COL10A1: variants seen among roughly 807,000 people sequenced by gnomAD.
COL10A1 encodes collagen type X alpha 1 chain.
COL10A1 carries 10 observed loss-of-function variants against 18.2 expected under a neutral mutation model. The observed-to-expected ratio is 0.55, with a 90% confidence interval of 0.34 to 0.93. The LOEUF (loss-of-function observed/expected upper bound fraction) is 0.93. Among genes scored for constraint, COL10A1 ranks in the 40% least tolerant of loss-of-function variants. The pLI, the probability that COL10A1 is intolerant of heterozygous loss-of-function variation, is 0.02. For synonymous variants in COL10A1, 330 were observed against 316.6 expected (o/e 1.04, Z -0.45); for missense variants, 897 against 853.5 (o/e 1.05, Z -0.64).
chr6:116,191,936 T>C, the COL10A1 span, among the ~76,000 whole-genome samples: 2 of 152,026 alleles, frequency 1.3e-5, no homozygotes, highest in African/African-American at 4.8e-5. Flanking sequence ...TAAGCTACAT[T>C]GATTGCCATG....
intron 2 of COL10A1, among the ~76,000 whole-genome samples, chr6:116,122,758 T>G (rs1356854363): frequency 6.6e-6 from 1 of 152,178 alleles, no homozygotes; most frequent in East Asian, 1.9e-4. Context: ...TGTATATAAA[T>G]GCAGAGCGAA....
At chr6:116,127,735 A>G (rs988949447), upstream of COL10A1, among the ~76,000 whole-genome samples, 1 of 152,154 alleles carries the variant, frequency 6.6e-6, no homozygotes, top group African/African-American at 2.4e-5. Flanking sequence ...GTGTGTATAT[A>G]TGGTGATACA....
rs199761751 is a variant in COL10A1 at position 116,121,904 on chromosome 6, C to T, written c.212G>A (p.Arg71Gln). The change falls in exon 3 of 3, where the codon CGA becomes CAA. Residue 71 changes from arginine (R) to glutamine (Q), a missense_variant. Arg to Gln is a conservative substitution (Grantham distance 43). Transcript: ENST00000651968. ...TPGPPGPAGPRGHPGPSGPPG... is the reference protein window; with the variant it reads ...TPGPPGPAGPQGHPGPSGPPG... ...TGGTCCAGAAGGACCTGGGTGCCCT[C>T]GAGGTCCAGCAGGGCCTGGTGGACC... The T allele has an allele frequency of 3.1e-5, 50 of 1,613,688 alleles. No homozygotes were observed. The highest frequency in any genetic ancestry group is 3.5e-5 in the Non-Finnish European group (41 of 1,179,988).
At chr6:116,184,078 A>G in the COL10A1 span, among the ~76,000 whole-genome samples, 2 of 151,998 alleles carry the variant, frequency 1.3e-5, no homozygotes, top group East Asian at 1.9e-4. Context: ...TGTCCCTTCT[A>G]TGGCAGTTTT....
At chr6:116,182,919 T>C in the COL10A1 span, among the ~76,000 whole-genome samples, 1 of 152,180 alleles carries the variant, frequency 6.6e-6, no homozygotes, top group Non-Finnish European at 1.5e-5. Context: ...TTGAATTTGC[T>C]TTTGAGTTCT....
the COL10A1 span, among the ~76,000 whole-genome samples, chr6:116,179,100 TAG>T: frequency 6.6e-6 from 1 of 152,132 alleles, no homozygotes; most frequent in African/African-American, 2.4e-5. Flanking sequence ...TTAACATAAG[TAG>T]AGATATTTAG....
chr6:116,159,861 C>T (rs1369369504), upstream of COL10A1, among the ~76,000 whole-genome samples: 1 of 152,048 alleles, frequency 6.6e-6, no homozygotes, highest in Non-Finnish European at 1.5e-5. Flanking sequence ...TGAGAACATG[C>T]GATATTTGTT....
the COL10A1 span, among the ~76,000 whole-genome samples, chr6:116,199,813 A>G: frequency 6.6e-6 from 1 of 152,086 alleles, no homozygotes; most frequent in African/African-American, 2.4e-5. Flanking sequence ...ATAACCATCA[A>G]TGAGTCTGGT....
the COL10A1 span, among the ~76,000 whole-genome samples, chr6:116,200,030 A>C: frequency 6.6e-6 from 1 of 151,716 alleles, no homozygotes. Context: ...GCAGTGGGGC[A>C]ACCTGACAAA....
At chr6:116,139,543 C>A (rs1004253299) in intron 1 of COL10A1, among the ~76,000 whole-genome samples, 2 of 152,020 alleles carry the variant, frequency 1.3e-5, no homozygotes, top group African/African-American at 4.8e-5. Context: ...ATGCATTTTA[C>A]TTGCAGTGTT....
At chr6:116,195,374 A>T in the COL10A1 span, among the ~76,000 whole-genome samples, 40 of 152,146 alleles carry the variant, frequency 2.6e-4, no homozygotes, top group African/African-American at 9.6e-4. Flanking sequence ...GTATTTTTCT[A>T]TTAAGTTTAC....
At chr6:116,184,242 T>C in the COL10A1 span, among the ~76,000 whole-genome samples, 16 of 152,048 alleles carry the variant, frequency 1.1e-4, no homozygotes, top group Non-Finnish European at 2.2e-4. Flanking sequence ...GCGTCCCTCA[T>C]ATGAAACCCA....
At chr6:116,151,926 T>C (rs2114399113) in intron 1 of COL10A1, among the ~76,000 whole-genome samples, 1 of 152,358 alleles carries the variant, frequency 6.6e-6, no homozygotes, top group Middle Eastern at 3.4e-3. Flanking sequence ...TCTGAAGTTT[T>C]ATAAGAACAT....
the COL10A1 span, among the ~76,000 whole-genome samples, chr6:116,164,878 T>C: frequency 6.6e-6 from 1 of 152,020 alleles, no homozygotes; most frequent in African/African-American, 2.4e-5. Flanking sequence ...GGTCAGGAGA[T>C]CGAGACCATC....
the COL10A1 span, among the ~76,000 whole-genome samples, chr6:116,191,364 C>T: frequency 1.3e-5 from 2 of 151,938 alleles, no homozygotes. Context: ...CCCTACTGTA[C>T]TTACTGTGTG....
rs749097780 is a variant in COL10A1 at position 116,120,725 on chromosome 6, C to G, written c.1391G>C (p.Gly464Ala). Residue 464 changes from glycine (G) to alanine (A), a missense_variant, in exon 3 of 3, where the codon GGG (glycine) becomes GCG (alanine). Coordinates refer to ENST00000651968, the MANE Select transcript of COL10A1 (RefSeq NM_000493.4). ...IGPPGIPGFP[G>A]SKGDPGSPGP... is the part of the protein sequence containing the mutation. ...GGGACTTCCTGGATCCCCTTTAGAC[C>G]CAGGGAATCCTGGAATGCCTGGTGG... The G allele has an allele frequency of 1.4e-5, 22 of 1,585,550 alleles. 1 individual carries two copies. The South Asian group carries it at 2.5e-4, about 18-fold the overall frequency.
chr6:116,144,432 C>A (rs908268722), intron 1 of COL10A1, among the ~76,000 whole-genome samples: 1 of 147,874 alleles, frequency 6.8e-6, no homozygotes, highest in Admixed American at 6.8e-5. Context: ...ACCCAGGAGG[C>A]AGAGGTTGCA....
the COL10A1 span, among the ~76,000 whole-genome samples, chr6:116,205,996 G>C: frequency 1.3e-5 from 2 of 151,972 alleles, no homozygotes; most frequent in African/African-American, 4.8e-5. Flanking sequence ...CTTTGAGAAT[G>C]ATCTAATAGA....
At chr6:116,191,762 T>A in the COL10A1 span, among the ~76,000 whole-genome samples, 1 of 152,082 alleles carries the variant, frequency 6.6e-6, no homozygotes, top group Non-Finnish European at 1.5e-5. Context: ...GTGTTTCTCC[T>A]AATACTTCAA....
Sources: gnomAD v4.1 joint callset for allele counts (sites outside exome capture counted in the v4.1 genomes callset) on GRCh38, gnomAD v4.1.1 for gene constraint, MANE v1.5 for transcripts, NCBI Gene and HGNC (gene_info 2026-07-23, HGNC 2026-07-21) for gene names.